TMEM45A: variants seen among roughly 807,000 people sequenced by gnomAD.
TMEM45A encodes DNA polymerase-transactivated protein 4.
In TMEM45A, 25 loss-of-function variants were observed where a neutral mutation model predicts 32.0. That is an observed-to-expected ratio of 0.78 (90% CI 0.57 to 1.09). The LOEUF (loss-of-function observed/expected upper bound fraction) is 1.09, where lower values mean the gene tolerates loss of function less well. TMEM45A is among the 50% of genes least tolerant of loss of function. The pLI is 0.00. For missense variants in TMEM45A, 302 were observed against 325.0 expected, an observed-to-expected ratio of 0.93 and a Z score of 0.54; for synonymous variants, 122 against 114.8, an observed-to-expected ratio of 1.06 and a Z score of -0.40.
chr3:100,566,655 C>A (rs982355980), intron 4 of TMEM45A, among the ~76,000 whole-genome samples: 13 of 152,140 alleles, frequency 8.5e-5, no homozygotes, highest in African/African-American at 2.9e-4. Flanking sequence ...CATATCCTCA[C>A]CAATATTTGT....
At chr3:100,505,679 C>T (rs1316032447) in intron 1 of TMEM45A, among the ~76,000 whole-genome samples, 1 of 152,192 alleles carries the variant, frequency 6.6e-6, no homozygotes, top group East Asian at 1.9e-4. Flanking sequence ...GATGGAGTAA[C>T]AGGGCCAGAT....
At chr3:100,549,343 T>C (rs548830816) in intron 1 of TMEM45A, among the ~76,000 whole-genome samples, 6 of 152,328 alleles carry the variant, frequency 3.9e-5, no homozygotes, top group Non-Finnish European at 7.4e-5. Flanking sequence ...TCTTATGCCT[T>C]ACAGAACACG....
chr3:100,575,363 C>CTTTTTTTTTTTTTTTTTTTTTTTTTTT (rs59739893), intron 5 of TMEM45A, among the ~76,000 whole-genome samples: 1 of 62,706 alleles, frequency 1.6e-5, no homozygotes, highest in African/African-American at 5.4e-5. Context: ...TATGGATTCT[C>CTTTTTTTTTTTTTTTTTTTTTTTTTTT]TTTTTTTTTT....
intron 1 of TMEM45A, among the ~76,000 whole-genome samples, chr3:100,553,549 TAGA>T (rs930875975): frequency 1.3e-5 from 2 of 152,164 alleles, no homozygotes; most frequent in African/African-American, 4.8e-5. Flanking sequence ...CAATCCCATA[TAGA>T]AGTTTTCTCG....
At chr3:100,553,058 G>C (rs1025553765) in intron 1 of TMEM45A, among the ~76,000 whole-genome samples, 2 of 152,166 alleles carry the variant, frequency 1.3e-5, no homozygotes, top group African/African-American at 4.8e-5. Context: ...GTTTTACTCT[G>C]GTAGTTAGAG....
chr3:100,497,547 C>T (rs1385066184), intron 1 of TMEM45A, among the ~76,000 whole-genome samples: 1 of 152,214 alleles, frequency 6.6e-6, no homozygotes, highest in African/African-American at 2.4e-5. Flanking sequence ...ACTCATTAAA[C>T]AATAAATCCC....
chr3:100,558,716 T>C, intron 4 of TMEM45A, 127 bp downstream of exon 4: 1 of 952,816 alleles, frequency 1.0e-6, no homozygotes, highest in Non-Finnish European at 1.6e-6. Context: ...CATGGGCCTC[T>C]GAGAAGTGAT....
chr3:100,549,814 C>A (rs12629511), intron 1 of TMEM45A, among the ~76,000 whole-genome samples: 1 of 150,340 alleles, frequency 6.7e-6, no homozygotes. Flanking sequence ...TGAGAATATG[C>A]GGTGTTTGGT....
intron 1 of TMEM45A, among the ~76,000 whole-genome samples, chr3:100,541,599 G>C (rs918820113): frequency 1.5e-5 from 2 of 137,126 alleles, no homozygotes; most frequent in African/African-American, 5.5e-5. Flanking sequence ...GCACGATCAT[G>C]ACTCACTGCC....
At chr3:100,514,082 T>C (rs1360935064) in intron 1 of TMEM45A, among the ~76,000 whole-genome samples, 19 of 152,170 alleles carry the variant, frequency 1.2e-4, no homozygotes, top group African/African-American at 2.2e-4. Context: ...ATGCCATCCC[T>C]ATCAAGCTAC....
chr3:100,515,945 A>G (rs967751357), intron 1 of TMEM45A, among the ~76,000 whole-genome samples: 10 of 152,190 alleles, frequency 6.6e-5, no homozygotes, highest in African/African-American at 2.2e-4. Flanking sequence ...GGTGACTATC[A>G]TGAACAACAA....
intron 1 of TMEM45A, among the ~76,000 whole-genome samples, chr3:100,510,635 C>G (rs1280872600): frequency 6.6e-6 from 1 of 152,240 alleles, no homozygotes; most frequent in African/African-American, 2.4e-5. Flanking sequence ...ATGACTTTGA[C>G]GAGCTGAGAG....
chr3:100,517,280 T>C (rs56402168), intron 1 of TMEM45A, among the ~76,000 whole-genome samples: 74,123 of 152,042 alleles, frequency 0.49, 20,446 homozygotes, highest in African/African-American at 0.76. Flanking sequence ...CCACGCCCGA[T>C]TAATTTTTTG....
At chr3:100,569,796 T>A (rs1217219346) in intron 5 of TMEM45A, among the ~76,000 whole-genome samples, 1 of 152,176 alleles carries the variant, frequency 6.6e-6, no homozygotes, top group Non-Finnish European at 1.5e-5. Context: ...GAATTTTTAG[T>A]CTTATAATTA....
chr3:100,557,125 G>T (rs1403993403), intron 3 of TMEM45A, among the ~76,000 whole-genome samples, 153 bp downstream of exon 3: 1 of 152,100 alleles, frequency 6.6e-6, no homozygotes, highest in East Asian at 1.9e-4. Flanking sequence ...TCCTAGGCAG[G>T]GCGCCAAAAA....
chr3:100,565,796 A>T lies in TMEM45A; in HGVS notation c.589-3026A>T, dbSNP rs538454342. On this transcript the variant is annotated intron_variant, in intron 4 of 5. Coordinates refer to ENST00000323523, the MANE Select transcript of TMEM45A (RefSeq NM_018004.3). ...TGGGATAAAACTTTCCTAACATAAC[A>T]TTAATATTTTTAAAGTGTACAATTT... 2.9e-4 allele frequency among the ~76,000 whole-genome samples: 44 copies of T among 152,304 alleles called. 1 individual carries two copies. The South Asian group carries it at 8.9e-3, about 31-fold the overall frequency.
intron 1 of TMEM45A, among the ~76,000 whole-genome samples, chr3:100,549,300 A>G (rs11710281): frequency 1.3e-5 from 2 of 151,890 alleles, no homozygotes; most frequent in Admixed American, 1.3e-4. Flanking sequence ...AAACCAAACA[A>G]ACAAAAACAA....
At chr3:100,536,328 G>A (rs1158061789) in intron 1 of TMEM45A, among the ~76,000 whole-genome samples, 1 of 152,210 alleles carries the variant, frequency 6.6e-6, no homozygotes, top group African/African-American at 2.4e-5. Context: ...GGTGGCCCAT[G>A]AGAGTCTGTA....
intron 1 of TMEM45A, among the ~76,000 whole-genome samples, chr3:100,504,654 C>T (rs1211361352): frequency 1.3e-5 from 2 of 152,224 alleles, no homozygotes; most frequent in Non-Finnish European, 2.9e-5. Context: ...ATCTCCAATG[C>T]TAATGAAACA....
Sources: gnomAD v4.1 joint callset for allele counts (sites outside exome capture counted in the v4.1 genomes callset) on GRCh38, gnomAD v4.1.1 for gene constraint, MANE v1.5 for transcripts, NCBI Gene and HGNC (gene_info 2026-07-23, HGNC 2026-07-21) for gene names.